ZFHX3: variants seen among roughly 807,000 people sequenced by gnomAD.
ZFHX3 encodes zinc finger homeobox protein 3.
A neutral mutation model predicts 279.1 loss-of-function variants in ZFHX3; 42 were observed. The observed-to-expected ratio is 0.15, with a 90% CI of 0.12 to 0.19. The LOEUF (loss-of-function observed/expected upper bound fraction) is 0.19, where lower values mean the gene tolerates loss of function less well. Ranked by LOEUF, ZFHX3 falls within the 10% of genes least tolerant of loss-of-function variation. ZFHX3 has a pLI of 1.00. For synonymous variants in ZFHX3, 2,293 were observed against 1,957.8 expected, an observed-to-expected ratio of 1.17 and a Z score of -4.52; for missense variants, 4,981 against 4,754.0, an observed-to-expected ratio of 1.05 and a Z score of -1.40.
chr16:73,834,054 G>A (rs1961072214), intron 1 of ZFHX3, among the ~76,000 whole-genome samples: 2 of 152,002 alleles, frequency 1.3e-5, no homozygotes, highest in South Asian at 4.2e-4. Context: ...AAAGGAGGAG[G>A]GAGACATTAG....
intron 1 of ZFHX3, among the ~76,000 whole-genome samples, chr16:73,024,412 C>G (rs143965605): frequency 3.3e-5 from 5 of 152,240 alleles, no homozygotes; most frequent in African/African-American, 7.2e-5. Context: ...CCCCCAGCCA[C>G]GGGCAGGAGG....
chr16:73,095,535 GTAA>G (rs1455788862), intron 7 of ZFHX3, among the ~76,000 whole-genome samples: 1 of 152,238 alleles, frequency 6.6e-6, no homozygotes, highest in African/African-American at 2.4e-5. Flanking sequence ...CCATCTTTCA[GTAA>G]AATGAGTATT....
intron 4 of ZFHX3, among the ~76,000 whole-genome samples, chr16:73,312,001 G>A (rs1021724936): frequency 5.3e-5 from 8 of 152,172 alleles, no homozygotes; most frequent in African/African-American, 1.7e-4. Context: ...CCAGGATGAC[G>A]CATGCAGCAG....
At chr16:73,313,702 G>A (rs2015380701) in intron 4 of ZFHX3, among the ~76,000 whole-genome samples, 2 of 152,126 alleles carry the variant, frequency 1.3e-5, no homozygotes, top group Admixed American at 6.5e-5. Flanking sequence ...GCACAAACAT[G>A]TACACAGCCC....
chr16:73,500,091 A>T (rs1208499803), intron 2 of ZFHX3: 1 of 152,242 alleles, frequency 6.6e-6, no homozygotes, highest in East Asian at 1.9e-4. Context: ...CTGTACTTAC[A>T]AAATAAAAAA....
At chr16:73,581,247 T>C (rs2051857778) in intron 2 of ZFHX3, among the ~76,000 whole-genome samples, 1 of 151,854 alleles carries the variant, frequency 6.6e-6, no homozygotes, top group Admixed American at 6.6e-5. Context: ...GACAATAAAC[T>C]AGTGGCATTA....
At position 72,794,279 on chromosome 16, in the gene ZFHX3, G is replaced by T; in HGVS notation, c.8403C>A (p.Ser2801Arg). Residue 2801 changes from serine (S) to arginine (R), a missense_variant, in exon 9 of 10, where the codon AGC (serine) becomes AGA (arginine). Physicochemically the swap from Ser to Arg is moderately radical, Grantham distance 110. Coordinates refer to ENST00000268489, the MANE Select transcript of ZFHX3 (RefSeq NM_006885.4). The surrounding 1 kb of genome is among the most constrained non-coding windows in gnomAD (Gnocchi z 4.2). ...TMELSPRTLL[S>R]PSSIKVEGIE... ...TCCCTTCCACCTTAATGGAGGAAGG[G>T]CTTAGAAGAGTTCTGGGTGACAATT... 6.2e-7 allele frequency: 1 copy of T among 1,613,678 alleles called. No homozygotes were observed. Among genetic ancestry groups the T allele is most frequent in the Non-Finnish European group, 8.5e-7 (1 of 1,179,768 alleles).
chr16:73,077,230 C>G (rs930369239), intron 8 of ZFHX3, among the ~76,000 whole-genome samples: 1 of 152,138 alleles, frequency 6.6e-6, no homozygotes, highest in African/African-American at 2.4e-5. Context: ...ATCATTTCCC[C>G]TCAATCTACT....
intron 5 of ZFHX3, among the ~76,000 whole-genome samples, chr16:72,821,184 C>T (rs896961603): frequency 6.6e-6 from 1 of 152,148 alleles, no homozygotes; most frequent in Non-Finnish European, 1.5e-5. Context: ...GGCCTTCCCT[C>T]ATGATCCACC....
At chr16:73,809,183 T>G (rs929299083) in intron 1 of ZFHX3, 1 of 152,208 alleles carries the variant, frequency 6.6e-6, no homozygotes, top group African/African-American at 2.4e-5. Flanking sequence ...GTAGAGTTCC[T>G]GGGAGGAATT....
intron 4 of ZFHX3, among the ~76,000 whole-genome samples, chr16:72,863,601 T>C (rs1229249630): frequency 6.6e-6 from 1 of 151,906 alleles, no homozygotes; most frequent in Non-Finnish European, 1.5e-5. Flanking sequence ...TTGAAAATAA[T>C]TGAGTAAACG....
chr16:73,413,070 G>A (rs887370243), intron 3 of ZFHX3, among the ~76,000 whole-genome samples: 3 of 152,182 alleles, frequency 2.0e-5, no homozygotes, highest in Admixed American at 1.3e-4. Context: ...GCACGAAGGT[G>A]GAAATGGGGC....
chr16:72,795,922 G>A lies in ZFHX3; in HGVS notation c.6760C>T (p.Leu2254=). 1.2e-6 allele frequency: 2 copies of A among 1,614,146 alleles called. No homozygotes were observed. Among genetic ancestry groups the A allele is most frequent in the Non-Finnish European group, 1.7e-6 (2 of 1,180,026 alleles). The change falls in exon 9 of 10, where the codon CTG becomes TTG. Residue 2254 remains leucine, a synonymous_variant. Transcript: ENST00000268489. ...TCGAAGAAGTCCTGTAAGACCCTCA[G>A]CTGGTAGTCCGTAAACCTTGTTCTT... ...SSRTRFTDYQ[L]RVLQDFFDAN... is the part of the protein sequence containing the mutation.
At chr16:72,813,531 T>C (rs1392528311) in intron 5 of ZFHX3, among the ~76,000 whole-genome samples, 1 of 152,216 alleles carries the variant, frequency 6.6e-6, no homozygotes, top group Non-Finnish European at 1.5e-5. Flanking sequence ...AGAGTGCACA[T>C]CTTGTGACCT....
chr16:73,619,723 CA>C (rs764039434), intron 2 of ZFHX3, among the ~76,000 whole-genome samples: 2 of 152,098 alleles, frequency 1.3e-5, no homozygotes, highest in East Asian at 3.9e-4. Context: ...CTGTGCCTCC[CA>C]CCAGGAATAC....
rs1255180596 is a variant in ZFHX3 at position 73,652,544 on chromosome 16, C to G, written c.-1547+27636G>C. On this transcript the variant is annotated intron_variant, in intron 2 of 17. Coordinates refer to the ZFHX3 transcript ENST00000641206. ...TACAAGAAGAAGATAAAAGAAAGAG[C>G]TAAATATGTGGACTCATTCAAATGA... Among the ~76,000 whole-genome samples, 3 of 152,058 alleles carry G rather than the reference C, an allele frequency of 2.0e-5. No homozygotes were observed. In the East Asian group the frequency reaches 5.8e-4, roughly 29 times the overall value.
Position 73,426,380 on chromosome 16 carries a change from T to A in ZFHX3, c.-1291+29623A>T, listed in dbSNP as rs143838269. Among the ~76,000 whole-genome samples the A allele has an allele frequency of 3.5e-3, 538 of 152,130 alleles. 4 individuals are homozygous for A. The highest frequency in any genetic ancestry group is 0.012 in the African/African-American group (513 of 41,502). On this transcript the variant is annotated intron_variant, in intron 3 of 17. Transcript: ENST00000641206. Reference sequence around the variant, plus strand: ...AGAGAAAAAAGTAAAGGTCAAAAACTAAAATGGAGCAAGAAAGGTGATAAA... The same window carrying A: ...AGAGAAAAAAGTAAAGGTCAAAAACAAAAATGGAGCAAGAAAGGTGATAAA...
At chr16:73,138,792 A>T (rs1456058758) in intron 6 of ZFHX3, among the ~76,000 whole-genome samples, 21 of 151,922 alleles carry the variant, frequency 1.4e-4, no homozygotes, top group Admixed American at 1.4e-3. Flanking sequence ...GGCTCAAGTG[A>T]TCCTCCCACC....
At chr16:73,535,736 TTTC>T (rs2019889291) in intron 2 of ZFHX3, among the ~76,000 whole-genome samples, 1 of 151,344 alleles carries the variant, frequency 6.6e-6, no homozygotes, top group African/African-American at 2.4e-5. Context: ...TTTTTTTTTT[TTTC>T]TTAGAAGGAG....
Sources: gnomAD v4.1 joint callset for allele counts (sites outside exome capture counted in the v4.1 genomes callset) on GRCh38, gnomAD v4.1.1 for gene constraint, Gnocchi (gnomAD v3.1) non-coding constraint, MANE v1.5 for transcripts, NCBI Gene and HGNC (gene_info 2026-07-23, HGNC 2026-07-21) for gene names.